The following ARHGEF9 variants were observed in gnomAD, a reference collection of about 807,000 sequenced individuals.
ARHGEF9 encodes Cdc42 guanine nucleotide exchange factor 9, also known as rho guanine nucleotide exchange factor 9.
ARHGEF9 carries 2 observed loss-of-function variants against 41.3 expected under a neutral mutation model. The observed-to-expected ratio is 0.05, with a 90% CI of 0.02 to 0.15. The LOEUF (loss-of-function observed/expected upper bound fraction) is 0.15. Ranked by LOEUF, ARHGEF9 falls within the 10% of genes least tolerant of loss-of-function variation. The probability of loss-of-function intolerance (pLI) is 1.00; values close to 1 mark genes in which losing one functional copy is unlikely to be tolerated. For synonymous variants in ARHGEF9, 160 were observed against 154.4 expected (o/e 1.04, Z -0.27); for missense variants, 225 against 424.7 (o/e 0.53, Z 4.13).
chrX:63,671,562 A>G (rs1277570743), intron 6 of ARHGEF9: 1 of 112,822 alleles, frequency 8.9e-6, no homozygotes, highest in East Asian at 2.8e-4. Flanking sequence ...ACTGAAAACA[A>G]TACCACACAA....
At chrX:63,680,582 AGGAGTC>A (rs2050559660) in intron 4 of ARHGEF9, among the ~76,000 whole-genome samples, 1 of 112,551 alleles carries the variant, frequency 8.9e-6, no homozygotes, top group African/African-American at 3.2e-5. Flanking sequence ...GCAAAGTAGC[AGGAGTC>A]GCAGTGATCT....
intron 2 of ARHGEF9, among the ~76,000 whole-genome samples, chrX:63,710,043 T>C (rs1485184545): frequency 9.1e-6 from 1 of 109,905 alleles, no homozygotes; most frequent in Non-Finnish European, 1.9e-5. Context: ...ATAGAAAAAA[T>C]AGATTAAAAT....
At chrX:63,666,401 T>G (rs1556348301) in intron 6 of ARHGEF9, among the ~76,000 whole-genome samples, 1 of 101,344 alleles carries the variant, frequency 9.9e-6, no homozygotes, top group Non-Finnish European at 2.0e-5. Context: ...AGAGATTTTC[T>G]TTATATATAT....
At chrX:63,777,363 C>T in intron 1 of ARHGEF9, among the ~76,000 whole-genome samples, 1 of 111,363 alleles carries the variant, frequency 9.0e-6, no homozygotes, top group Non-Finnish European at 1.9e-5. Context: ...AGGTCCCTTC[C>T]ATGACACATG....
intron 4 of ARHGEF9, among the ~76,000 whole-genome samples, chrX:63,688,368 G>T (rs1556377941): frequency 8.9e-6 from 1 of 112,069 alleles, no homozygotes; most frequent in African/African-American, 3.2e-5. Flanking sequence ...TACATGAACT[G>T]CTGAAGCCAG....
chrX:63,695,603 G>A (rs2051688078), intron 4 of ARHGEF9, among the ~76,000 whole-genome samples: 1 of 111,773 alleles, frequency 8.9e-6, no homozygotes, highest in Admixed American at 9.5e-5. Context: ...ATACCATACA[G>A]AAAAGAGTTA....
intron 1 of ARHGEF9, among the ~76,000 whole-genome samples, chrX:63,775,347 A>T (rs1196074201): frequency 8.9e-6 from 1 of 112,707 alleles, no homozygotes; most frequent in African/African-American, 3.2e-5. Flanking sequence ...AAGGAATATA[A>T]ATCATTCTAC....
At chrX:63,665,757 C>T in intron 7 of ARHGEF9, 129 bp downstream of exon 7, 2 of 882,115 alleles carry the variant, frequency 2.3e-6, no homozygotes, top group African/African-American at 3.9e-5. Context: ...AGAATTGCTG[C>T]CAATCTCCTG....
At chrX:63,646,143 GAGT>G (rs1225050270) in intron 8 of ARHGEF9, among the ~76,000 whole-genome samples, 3 of 111,564 alleles carry the variant, frequency 2.7e-5, no homozygotes, top group South Asian at 3.8e-4. Context: ...TTTGTCAGAT[GAGT>G]AGATTGCAAA....
At chrX:63,653,519 T>A (rs1187484193) in intron 8 of ARHGEF9, among the ~76,000 whole-genome samples, 1 of 111,729 alleles carries the variant, frequency 9.0e-6, no homozygotes, top group Non-Finnish European at 1.9e-5. Context: ...GGGGTTATAG[T>A]TAGATTCTAT....
chrX:63,653,510 G>A (rs1160612561), intron 8 of ARHGEF9, among the ~76,000 whole-genome samples: 1 of 111,134 alleles, frequency 9.0e-6, no homozygotes, highest in Admixed American at 9.7e-5. Context: ...CTGATACAAG[G>A]GGTTATAGTT....
At chrX:63,768,079 C>G (rs1259463737) in intron 1 of ARHGEF9, among the ~76,000 whole-genome samples, 9 of 111,733 alleles carry the variant, frequency 8.1e-5, no homozygotes, top group Non-Finnish European at 1.7e-4. Context: ...GTGCACCAGC[C>G]ACCCAAGTAT....
chrX:63,754,734 T>C (rs2055858340), intron 1 of ARHGEF9: 1 of 951,139 alleles, frequency 1.1e-6, no homozygotes, highest in African/African-American at 2.0e-5. Flanking sequence ...GGCGCCCGAG[T>C]TTAGTCGGGG....
At chrX:63,734,340 T>C (rs1213940200) in intron 1 of ARHGEF9, among the ~76,000 whole-genome samples, 2 of 112,383 alleles carry the variant, frequency 1.8e-5, no homozygotes, top group Non-Finnish European at 3.8e-5. Context: ...CATTAGCTTG[T>C]ATCTACAAAA....
At chrX:63,755,901 A>C (rs1250324557) in intron 1 of ARHGEF9, 1 of 742,164 alleles carries the variant, frequency 1.3e-6, no homozygotes, top group Non-Finnish European at 1.6e-6. Context: ...ATTTTCCAGC[A>C]TTCTGGGTAC....
chrX:63,755,328 C>T, intron 1 of ARHGEF9: 5 of 746,917 alleles, frequency 6.7e-6, no homozygotes, highest in Non-Finnish European at 5.2e-6. Flanking sequence ...CTCGCTCTCC[C>T]CAGACCGGCG....
At chrX:63,719,625 G>C (rs1175779657) in intron 2 of ARHGEF9, 1 of 295,330 alleles carries the variant, frequency 3.4e-6, no homozygotes, top group African/African-American at 2.7e-5. Flanking sequence ...GAAAAGGGCA[G>C]CAAAAATTTG....
intron 1 of ARHGEF9, among the ~76,000 whole-genome samples, chrX:63,771,512 C>T (rs1556454844): frequency 9.0e-6 from 1 of 111,264 alleles, no homozygotes; most frequent in Non-Finnish European, 1.9e-5. Context: ...AATTGGTGGA[C>T]TTTGAGTAAG....
intron 8 of ARHGEF9, among the ~76,000 whole-genome samples, chrX:63,647,014 T>C (rs1350390356): frequency 8.9e-6 from 1 of 111,786 alleles, no homozygotes; most frequent in African/African-American, 3.3e-5. Flanking sequence ...AGTTCACTCA[T>C]GATTTGGCTC....
Sources: gnomAD v4.1 joint callset for allele counts (sites outside exome capture counted in the v4.1 genomes callset) on GRCh38, gnomAD v4.1.1 for gene constraint, MANE v1.5 for transcripts, NCBI Gene and HGNC (gene_info 2026-07-23, HGNC 2026-07-21) for gene names.